Variants in CLCN1 observed in about 807,000 individuals in gnomAD.
CLCN1 encodes chloride voltage-gated channel 1, also known as chloride channel protein 1.
Under a neutral mutation model 114.5 loss-of-function variants are expected in CLCN1, and 100 were observed. The observed-to-expected ratio is 0.87, with a 90% CI of 0.74 to 1.03. CLCN1 has a LOEUF of 1.03. Ranked by LOEUF, CLCN1 falls within the 50% of genes least tolerant of loss-of-function variation. The pLI, the probability that CLCN1 is intolerant of heterozygous loss-of-function variation, is 0.00. For missense variants in CLCN1, 1,188 were observed against 1,250.0 expected, an observed-to-expected ratio of 0.95 and a Z score of 0.75; for synonymous variants, 485 against 487.1, an observed-to-expected ratio of 1.00 and a Z score of 0.06.
At chr7:143,330,626 T>C in intron 7 of CLCN1, 146 bp from the exon 8 acceptor site, 16 of 1,067,102 alleles carry the variant, frequency 1.5e-5, no homozygotes, top group Non-Finnish European at 2.1e-5. Flanking sequence ...GTTTTGAGCA[T>C]GGGAATCCAA....
Position 143,350,780 on chromosome 7 carries a change from C to CT in CLCN1, c.2595+140dup, listed in dbSNP as rs35882576. On this transcript the variant is annotated intron_variant, in intron 22 of 22. Coordinates refer to ENST00000343257, the MANE Select transcript of CLCN1 (RefSeq NM_000083.3). This position sits in a 1 kb window ranked among gnomAD's most constrained non-coding sequence, Gnocchi z 5.1. ...CTCAGATTCCCTTCTCTATTTCTTTCTTTTTTTTTTTTTTGAGACAGAGTT... is the reference window on the plus strand; with the variant it reads ...CTCAGATTCCCTTCTCTATTTCTTTCTTTTTTTTTTTTTTTGAGACAGAGTT... 124,906 of 595,480 alleles carry CT rather than the reference C, an allele frequency of 0.21. 3,427 individuals are homozygous for CT. The highest frequency in any genetic ancestry group is 0.24 in the East Asian group (8,105 of 33,694). The allele number at this position is 595,480 out of a possible 1,614,324, so 36.9% of individuals were successfully genotyped here. A position where few individuals can be genotyped will look rare whatever the true frequency, so the allele number is the denominator to read the frequency against.
chr7:143,339,686 C>A lies in CLCN1; in HGVS notation c.1582+65C>A. The A allele has an allele frequency of 1.0e-6, 1 of 989,252 alleles. No individual in the cohort carries two copies. The highest frequency in any genetic ancestry group is 1.6e-6 in the Non-Finnish European group (1 of 611,988). The allele number at this position is 989,252 out of a possible 1,614,324, so 61.3% of individuals were successfully genotyped here. On this transcript the variant is annotated intron_variant, in intron 14 of 22. Coordinates refer to ENST00000343257, the MANE Select transcript of CLCN1 (RefSeq NM_000083.3). This position sits in a 1 kb window ranked among gnomAD's most constrained non-coding sequence, Gnocchi z 4.1. Reference sequence around the variant, plus strand: ...TACTTCAGATCCCCACACTTAAACTCTCCCATTGGATCTTCATTCTAGGCT... The same window carrying A: ...TACTTCAGATCCCCACACTTAAACTATCCCATTGGATCTTCATTCTAGGCT...
chr7:143,345,950 C>G (rs1390159639), intron 17 of CLCN1, among the ~76,000 whole-genome samples, 188 bp downstream of exon 17: 1 of 152,094 alleles, frequency 6.6e-6, no homozygotes, highest in Non-Finnish European at 1.5e-5. Flanking sequence ...ACCAGTGCCT[C>G]TGGGTCCAGG....
At chr7:143,335,761 G>A (rs557202501) in intron 12 of CLCN1, among the ~76,000 whole-genome samples, 3 of 148,142 alleles carry the variant, frequency 2.0e-5, no homozygotes, top group African/African-American at 5.0e-5. Flanking sequence ...CCAGGTTCAC[G>A]CCATTCTCCT....
At chr7:143,318,106 T>C (rs1419963582) in intron 1 of CLCN1, among the ~76,000 whole-genome samples, 4 of 152,352 alleles carry the variant, frequency 2.6e-5, no homozygotes, top group Non-Finnish European at 5.9e-5. Flanking sequence ...AATGGTATAG[T>C]GAAGCCCCAA....
In CLCN1 at chr7:143,327,549, C is replaced by T. The variant is rs79251341; in HGVS notation, c.853+3057C>T. On this transcript the variant is annotated intron_variant, in intron 7 of 22. Transcript: ENST00000343257. Reference sequence around the variant, plus strand: ...GATTAATCCAAGATTAACAAGAAGACGATTGTCATAGTCCTGATGCTAGGT... The same window carrying T: ...GATTAATCCAAGATTAACAAGAAGATGATTGTCATAGTCCTGATGCTAGGT... Among the ~76,000 whole-genome samples the T allele has an allele frequency of 8.6e-3, 1,308 of 152,236 alleles. 16 individuals are homozygous for T. Among genetic ancestry groups the T allele is most frequent in the African/African-American group, 0.03 (1,242 of 41,532 alleles).
chr7:143,329,117 G>A (rs184856586), intron 7 of CLCN1, among the ~76,000 whole-genome samples: 21 of 152,128 alleles, frequency 1.4e-4, no homozygotes, highest in African/African-American at 4.6e-4. Flanking sequence ...ACAGGCGCCT[G>A]CCACAGCGCC....
At chr7:143,329,471 T>C (rs1220512969) in intron 7 of CLCN1, among the ~76,000 whole-genome samples, 1 of 152,184 alleles carries the variant, frequency 6.6e-6, no homozygotes, top group Non-Finnish European at 1.5e-5. Context: ...CTGTAGCAGC[T>C]GCTGCATTTG....
Position 143,352,024 on chromosome 7 carries a change from G to A in CLCN1, c.*59G>A. The A allele has an allele frequency of 1.2e-6, 2 of 1,609,508 alleles. No individual in the cohort carries two copies. Among genetic ancestry groups the A allele is most frequent in the Non-Finnish European group, 1.7e-6 (2 of 1,177,804 alleles). On this transcript the variant is annotated 3_prime_UTR_variant, in exon 23 of 23. Transcript: ENST00000343257. ...AGAGGCCCAGCCTGAGGGTGAACTT[G>A]TGTGGGGCAGGGTGCGTCCTGAATG...
At position 143,351,620 on chromosome 7, in the gene CLCN1, C is replaced by G. The variant is rs759060826; in HGVS notation, c.2622C>G (p.Thr874=). ...EELQKAIEGH[T]KSGVQLRPPL... is the part of the protein sequence containing the mutation. ...TACAGAAGGCCATTGAGGGGCACAC[C>G]AAGTCTGGGGTGCAGCTCCGCCCTC... Residue 874 remains threonine, a synonymous_variant, in exon 23 of 23, where the codon ACC becomes ACG. Transcript: ENST00000343257. 3.1e-6 allele frequency: 5 copies of G among 1,614,138 alleles called. No homozygotes were observed. Among genetic ancestry groups the G allele is most frequent in the African/African-American group, 1.3e-5 (1 of 75,024 alleles).
At position 143,316,957 on chromosome 7, in the gene CLCN1, G is replaced by C. The variant is rs1802303949; in HGVS notation, c.180+565G>C. On this transcript the variant is annotated intron_variant, in intron 1 of 22. Transcript: ENST00000343257. ...TTTAGGTCGCAAGATGATCAAGTAA[G>C]AACCTATTAAGTGTTAGGCACCTGG... 2.6e-5 allele frequency among the ~76,000 whole-genome samples: 4 copies of C among 152,186 alleles called. No individual in the cohort carries two copies. In the South Asian group the frequency reaches 8.3e-4, roughly 31 times the overall value.
rs1294798233 is a variant in CLCN1 at position 143,339,429 on chromosome 7, C to T, written c.1472-82C>T. The T allele has an allele frequency of 2.2e-6, 3 of 1,372,100 alleles. No homozygotes were observed. The highest frequency in any genetic ancestry group is 3.1e-6 in the Non-Finnish European group (3 of 959,760). The allele number at this position is 1,372,100 out of a possible 1,614,324, so 85.0% of individuals were successfully genotyped here. A position where few individuals can be genotyped will look rare whatever the true frequency, so the allele number is the denominator to read the frequency against. ...TGGGAGTTTATATTTGTTCTTAATG[C>T]CCAAGGAGAGATTGGTTCTGAAAAC... is the stretch of plus-strand genomic sequence containing the variant. On this transcript the variant is annotated intron_variant, in intron 13 of 22. Transcript: ENST00000343257. The surrounding 1 kb of genome is among the most constrained non-coding windows in gnomAD (Gnocchi z 4.1).
Position 143,316,384 on chromosome 7 carries a change from C to A in CLCN1, c.172C>A (p.Pro58Thr). The change falls in exon 1 of 23, where the codon CCC (proline) becomes ACC (threonine). Residue 58 changes from proline to threonine, a missense_variant. Pro to Thr is a conservative substitution (Grantham distance 38). Transcript: ENST00000343257. ...KDAGPRHNVH[P>T]TQIYGHHKEQ... ...TGCAGGCCCCCGCCACAACGTCCAC[C>A]CCACACAGGTAAAGTGCTCTAAGGG... The A allele has an allele frequency of 5.6e-6, 9 of 1,612,950 alleles. No homozygotes were observed. Among genetic ancestry groups the A allele is most frequent in the Non-Finnish European group, 5.9e-6 (7 of 1,179,968 alleles).
intron 12 of CLCN1, among the ~76,000 whole-genome samples, chr7:143,333,795 G>T (rs1416170074): frequency 6.6e-6 from 1 of 152,178 alleles, no homozygotes; most frequent in Non-Finnish European, 1.5e-5. Flanking sequence ...AATAAAAGAT[G>T]ATCTCTTTCA....
At chr7:143,330,239 A>G (rs368009431) in intron 7 of CLCN1, among the ~76,000 whole-genome samples, 3 of 151,806 alleles carry the variant, frequency 2.0e-5, no homozygotes, top group Admixed American at 6.6e-5. Flanking sequence ...GCCCCCTCCT[A>G]TTTTTGTTCT....
intron 7 of CLCN1, among the ~76,000 whole-genome samples, chr7:143,330,311 G>A (rs774239313): frequency 6.6e-6 from 1 of 152,136 alleles, no homozygotes; most frequent in Admixed American, 6.5e-5. Context: ...AAAGTCCAGA[G>A]GAGGGTGTTA....
intron 8 of CLCN1, 132 bp downstream of exon 8, chr7:143,331,029 C>T: frequency 2.9e-6 from 4 of 1,358,066 alleles, no homozygotes; most frequent in Non-Finnish European, 4.2e-6. Context: ...GACCAAGGCC[C>T]AAGGGTGTAT....
intron 7 of CLCN1, among the ~76,000 whole-genome samples, chr7:143,329,112 C>T (rs547046000): frequency 9.2e-5 from 14 of 151,944 alleles, no homozygotes; most frequent in Non-Finnish European, 1.8e-4. Flanking sequence ...GGATTACAGG[C>T]GCCTGCCACA....
At position 143,321,721 on chromosome 7, in the gene CLCN1, G is replaced by C. The variant is rs746401512; in HGVS notation, c.569G>C (p.Gly190Ala). The C allele has an allele frequency of 3.7e-5, 60 of 1,614,090 alleles. No homozygotes were observed. Among genetic ancestry groups the C allele is most frequent in the Middle Eastern group, 1.6e-4 (1 of 6,084 alleles). ...AATCTTTCAACGCTTTTAGGCTCTG[G>C]AATCCCCGAAATGAAGACAATACTT... Reference protein sequence around the residue: ...HLISPQAVGSGIPEMKTILRG... With the variant: ...HLISPQAVGSAIPEMKTILRG... Residue 190 changes from glycine (G) to alanine (A), a missense_variant, in exon 5 of 23, where the codon GGA (glycine) becomes GCA (alanine). Coordinates refer to ENST00000343257, the MANE Select transcript of CLCN1 (RefSeq NM_000083.3). This position sits in a 1 kb window ranked among gnomAD's most constrained non-coding sequence, Gnocchi z 4.2.
Sources: gnomAD v4.1 joint callset for allele counts (sites outside exome capture counted in the v4.1 genomes callset) on GRCh38, gnomAD v4.1.1 for gene constraint, Gnocchi (gnomAD v3.1) non-coding constraint, MANE v1.5 for transcripts, NCBI Gene and HGNC (gene_info 2026-07-23, HGNC 2026-07-21) for gene names.